The following STPG2 variants were observed in gnomAD, a reference collection of about 807,000 sequenced individuals.
STPG2 encodes the protein sperm-tail PG-rich repeat-containing protein 2.
STPG2 carries 56 observed loss-of-function variants against 54.2 expected under a neutral mutation model. The observed-to-expected ratio is 1.03, with a 90% CI of 0.83 to 1.29. The LOEUF is 1.29. STPG2 is among the 50% of genes most tolerant of loss of function. The probability of loss-of-function intolerance (pLI) is 0.00; values close to 1 mark genes in which losing one functional copy is unlikely to be tolerated. For synonymous variants in STPG2, 200 were observed against 181.8 expected (o/e 1.10, Z -0.81); for missense variants, 596 against 544.9 (o/e 1.09, Z -0.93).
intron 9 of STPG2, among the ~76,000 whole-genome samples, chr4:97,764,955 C>G (rs1054344470): frequency 6.6e-6 from 1 of 152,050 alleles, no homozygotes; most frequent in African/African-American, 2.4e-5. Context: ...AGGGCCCCAT[C>G]ATAGTTTTGA....
At chr4:97,926,984 G>A (rs1407786710) in intron 8 of STPG2, among the ~76,000 whole-genome samples, 1 of 152,030 alleles carries the variant, frequency 6.6e-6, no homozygotes, top group East Asian at 1.9e-4. Flanking sequence ...TATCAGGTAC[G>A]TCTTGTTATC....
At chr4:98,019,013 T>C (rs1223353130) in intron 5 of STPG2, among the ~76,000 whole-genome samples, 2 of 151,672 alleles carry the variant, frequency 1.3e-5, no homozygotes, top group Non-Finnish European at 1.5e-5. Flanking sequence ...GCAGAAGCTC[T>C]TTAGTTTAAT....
At chr4:97,632,995 T>A (rs1721342329) in intron 10 of STPG2, among the ~76,000 whole-genome samples, 1 of 152,096 alleles carries the variant, frequency 6.6e-6, no homozygotes, top group Non-Finnish European at 1.5e-5. Context: ...GGTAGGTAGG[T>A]AGGTAGATCA....
intron 10 of STPG2, among the ~76,000 whole-genome samples, chr4:97,618,788 T>C (rs1420178968): frequency 6.6e-6 from 1 of 152,194 alleles, no homozygotes; most frequent in African/African-American, 2.4e-5. Flanking sequence ...TTTTATTCTC[T>C]TTTGTTGTTA....
intron 5 of STPG2, among the ~76,000 whole-genome samples, chr4:98,077,796 C>G (rs1738219851): frequency 6.6e-6 from 1 of 152,126 alleles, no homozygotes; most frequent in South Asian, 2.1e-4. Flanking sequence ...TGTTAAAATT[C>G]CTACCCCGAC....
chr4:97,940,232 C>T (rs1732925216), intron 8 of STPG2, among the ~76,000 whole-genome samples: 1 of 152,158 alleles, frequency 6.6e-6, no homozygotes, highest in Non-Finnish European at 1.5e-5. Context: ...CTTTAACATT[C>T]TTTCTTTCAT....
intron 10 of STPG2, among the ~76,000 whole-genome samples, chr4:97,571,285 A>G (rs1732593560): frequency 6.6e-6 from 1 of 152,072 alleles, no homozygotes; most frequent in Non-Finnish European, 1.5e-5. Context: ...GTATCCATAA[A>G]CCAAAAATAA....
chr4:97,957,640 A>G (rs1265441768), intron 7 of STPG2, among the ~76,000 whole-genome samples: 1 of 152,118 alleles, frequency 6.6e-6, no homozygotes, highest in Admixed American at 6.6e-5. Flanking sequence ...AGTTAAGAGG[A>G]AAAAAACAAT....
At chr4:97,718,349 T>A (rs1724353804) in intron 9 of STPG2, among the ~76,000 whole-genome samples, 1 of 152,108 alleles carries the variant, frequency 6.6e-6, no homozygotes, top group African/African-American at 2.4e-5. Flanking sequence ...TCTCAACTTG[T>A]TAAAAATTGT....
chr4:97,882,294 C>G (rs1190364432), intron 8 of STPG2, among the ~76,000 whole-genome samples: 2 of 150,376 alleles, frequency 1.3e-5, no homozygotes, highest in Non-Finnish European at 3.0e-5. Context: ...ACTGTGTAGA[C>G]CTTGGGGAGG....
chr4:97,806,569 C>T (rs1727573803), intron 9 of STPG2, among the ~76,000 whole-genome samples: 1 of 152,014 alleles, frequency 6.6e-6, no homozygotes, highest in Admixed American at 6.6e-5. Context: ...TCAGTCTCCA[C>T]AGACATCACA....
intron 5 of STPG2, among the ~76,000 whole-genome samples, chr4:98,091,584 T>G (rs532304639): frequency 1.3e-5 from 2 of 152,234 alleles, no homozygotes; most frequent in South Asian, 4.1e-4. Context: ...CATTGTATAA[T>G]TGTTTAGATA....
At chr4:97,635,327 G>A (rs1721472870) in intron 10 of STPG2, among the ~76,000 whole-genome samples, 1 of 152,196 alleles carries the variant, frequency 6.6e-6, no homozygotes, top group African/African-American at 2.4e-5. Flanking sequence ...CCCTAAAAGA[G>A]CTCCTGAAGG....
intron 4 of STPG2, among the ~76,000 whole-genome samples, chr4:97,443,392 TC>T (rs1729138622): frequency 6.6e-6 from 1 of 152,162 alleles, no homozygotes; most frequent in Admixed American, 6.5e-5. Context: ...CGTGTCATGT[TC>T]CTCCTTAAGA....
At chr4:97,993,414 C>T (rs949163411) in intron 5 of STPG2, among the ~76,000 whole-genome samples, 4 of 152,026 alleles carry the variant, frequency 2.6e-5, no homozygotes, top group African/African-American at 9.7e-5. Context: ...TCCCTGCATC[C>T]CTGGTATGAA....
At chr4:98,119,926 A>G (rs1407658718) in intron 3 of STPG2, among the ~76,000 whole-genome samples, 1 of 152,000 alleles carries the variant, frequency 6.6e-6, no homozygotes, top group Non-Finnish European at 1.5e-5. Context: ...GTTCCTTTTT[A>G]TGGTCAATCC....
chr4:97,480,051 A>C (rs1046015870), intron 4 of STPG2, among the ~76,000 whole-genome samples: 5 of 151,802 alleles, frequency 3.3e-5, no homozygotes, highest in African/African-American at 4.8e-5. Flanking sequence ...TGAAAAGATC[A>C]GTATAACTGA....
Position 98,109,274 on chromosome 4 carries a change from C to A in STPG2, c.419G>T (p.Gly140Val), listed in dbSNP as rs1212234699. The change falls in exon 4 of 11, where the codon GGT becomes GTT. Residue 140 changes from glycine (G) to valine (V), a missense_variant. Coordinates refer to ENST00000295268, the MANE Select transcript of STPG2 (RefSeq NM_174952.3). ...TCCTGAAGAGTTGCCAAAATGTATA[C>A]CTTTGTATTTCAAAGTTGCATTGGA... ...DVSNATLKYK[G>V]IHFGNSSGRQ... The A allele has an allele frequency of 6.2e-7, 1 of 1,607,892 alleles. No homozygotes were observed. The highest frequency in any genetic ancestry group is 8.5e-7 in the Non-Finnish European group (1 of 1,176,916).
intron 4 of STPG2, among the ~76,000 whole-genome samples, chr4:97,481,995 T>C (rs1352706981): frequency 2.0e-5 from 3 of 151,622 alleles, no homozygotes; most frequent in South Asian, 2.1e-4. Flanking sequence ...AATCATTTAT[T>C]AGCTTGAAAA....
Sources: gnomAD v4.1 joint callset for allele counts (sites outside exome capture counted in the v4.1 genomes callset) on GRCh38, gnomAD v4.1.1 for gene constraint, MANE v1.5 for transcripts, NCBI Gene and HGNC (gene_info 2026-07-23, HGNC 2026-07-21) for gene names.